The following FAM43A variants were observed in gnomAD, a reference collection of about 807,000 sequenced individuals.
The protein encoded by FAM43A is protein FAM43A.
A neutral mutation model predicts 15.7 loss-of-function variants in FAM43A; 11 were observed. The ratio of observed to expected loss-of-function variants is 0.70; its 90% CI spans 0.44 to 1.16. FAM43A has a LOEUF of 1.16. Among genes scored for constraint, FAM43A ranks in the 50% most tolerant of loss-of-function variants. FAM43A has a pLI of 0.00. For missense variants in FAM43A, 573 were observed against 620.0 expected, an observed-to-expected ratio of 0.92 and a Z score of 0.80; for synonymous variants, 319 against 291.7, an observed-to-expected ratio of 1.09 and a Z score of -0.96.
Position 194,687,161 on chromosome 3 carries a change from C to T in FAM43A, c.335C>T (p.Thr112Met). Reference protein sequence around the residue: ...AGRQGTKMKLTVSAQGIRMVH... With the variant: ...AGRQGTKMKLMVSAQGIRMVH... ...CGTCAGGGCACCAAGATGAAGCTGA[C>T]GGTGAGTGCGCAGGGTATCCGCATG... The change falls in exon 1 of 1, where the codon ACG (threonine) becomes ATG (methionine). Residue 112 changes from threonine (T) to methionine (M), a missense_variant. By Grantham distance (81) the Thr-to-Met change is moderately conservative (BLOSUM62 -1). Coordinates refer to ENST00000329759, the MANE Select transcript of FAM43A (RefSeq NM_153690.5). 1.9e-6 allele frequency: 3 copies of T among 1,612,006 alleles called. No homozygotes were observed. The highest frequency in any genetic ancestry group is 2.5e-6 in the Non-Finnish European group (3 of 1,179,894).
In FAM43A at chr3:194,687,353, C is replaced by G. The variant is rs1246929793; in HGVS notation, c.527C>G (p.Ser176Cys). The G allele has an allele frequency of 2.6e-6, 4 of 1,541,242 alleles. No individual in the cohort carries two copies. Among genetic ancestry groups the G allele is most frequent in the Non-Finnish European group, 3.5e-6 (4 of 1,148,576 alleles). The change falls in exon 1 of 1, where the codon TCC becomes TGC. Residue 176 changes from serine to cysteine, a missense_variant. Transcript: ENST00000329759. ...CTGCGCTGCCACGCCGTGCTGGTGT[C>G]CAAGCCCGAAAAGGCGCAGGCCATG... is the stretch of plus-strand genomic sequence containing the variant. ...VMLRCHAVLV[S>C]KPEKAQAMAL...
rs1436492511 is a variant in FAM43A at position 194,688,860 on chromosome 3, CTG to C, written c.*766_*767del. ...ATTTTTGACTTTTTTCTGTACATAA[CTG>C]TGTTCTCAGAGCTGAATGTTTATAT... On this transcript the variant is annotated 3_prime_UTR_variant, in exon 1 of 1. Coordinates refer to ENST00000329759, the MANE Select transcript of FAM43A (RefSeq NM_153690.5). The C allele has an allele frequency of 1.2e-5, 2 of 166,938 alleles. No homozygotes were observed. The highest frequency in any genetic ancestry group is 4.8e-5 in the African/African-American group (2 of 41,420). 10.3% of individuals were successfully genotyped at this position (166,938 alleles called of 1,614,324 possible). A position where few individuals can be genotyped will look rare whatever the true frequency, so the allele number is the denominator to read the frequency against.
At position 194,687,350 on chromosome 3, in the gene FAM43A, T is replaced by G; in HGVS notation, c.524T>G (p.Val175Gly). 6.5e-7 allele frequency: 1 copy of G among 1,541,780 alleles called. No individual in the cohort carries two copies. Reference sequence around the variant, plus strand: ...ATGCTGCGCTGCCACGCCGTGCTGGTGTCCAAGCCCGAAAAGGCGCAGGCC... The same window carrying G: ...ATGCTGCGCTGCCACGCCGTGCTGGGGTCCAAGCCCGAAAAGGCGCAGGCC... ...AVMLRCHAVL[V>G]SKPEKAQAMA... Residue 175 changes from valine to glycine, a missense_variant, in exon 1 of 1, where the codon GTG (valine) becomes GGG (glycine). By Grantham distance (109) the Val-to-Gly change is moderately radical. Coordinates refer to ENST00000329759, the MANE Select transcript of FAM43A (RefSeq NM_153690.5).
In FAM43A at chr3:194,688,045, G is replaced by T. The variant is rs761305993; in HGVS notation, c.1219G>T (p.Asp407Tyr). 4 of 1,414,992 alleles carry T rather than the reference G, an allele frequency of 2.8e-6. No individual in the cohort carries two copies. Among genetic ancestry groups the T allele is most frequent in the Non-Finnish European group, 3.7e-6 (4 of 1,084,428 alleles). The allele number at this position is 1,414,992 out of a possible 1,614,324, so 87.7% of individuals were successfully genotyped here. The change falls in exon 1 of 1, where the codon GAC becomes TAC. Residue 407 changes from aspartate (D) to tyrosine (Y), a missense_variant. Physicochemically the swap from Asp to Tyr is radical, Grantham distance 160. Coordinates refer to ENST00000329759, the MANE Select transcript of FAM43A (RefSeq NM_153690.5). ...TGACGCCACCTCCGCCACCGCCGGG[G>T]ACTCGTCCCGCCAGGCCGACGGCGC... is the stretch of plus-strand genomic sequence containing the variant. ...GPDATSATAG[D>Y]SSRQADGASA...
Position 194,688,440 on chromosome 3 carries a change from TTG to T in FAM43A, c.*345_*346del. The T allele has an allele frequency of 4.2e-6, 1 of 235,902 alleles. No homozygotes were observed. The highest frequency in any genetic ancestry group is 8.4e-5 in the East Asian group (1 of 11,842). The allele number at this position is 235,902 out of a possible 1,614,324, so 14.6% of individuals were successfully genotyped here. A position where few individuals can be genotyped will look rare whatever the true frequency, so the allele number is the denominator to read the frequency against. ...CGTAGGTGCCTGGCCAGTTTCCTGTTTGTGGGGCAGCTGGGGCCTGAGGAGGA... is the reference window on the plus strand; with the variant it reads ...CGTAGGTGCCTGGCCAGTTTCCTGTTTGGGGCAGCTGGGGCCTGAGGAGGA... On this transcript the variant is annotated 3_prime_UTR_variant, in exon 1 of 1. Transcript: ENST00000329759.
chr3:194,686,659 A>C lies in FAM43A; in HGVS notation c.-168A>C, dbSNP rs918801074. The C allele has an allele frequency of 1.9e-6, 1 of 538,408 alleles. No individual in the cohort carries two copies. Among genetic ancestry groups the C allele is most frequent in the Non-Finnish European group, 2.8e-6 (1 of 351,996 alleles). The allele number at this position is 538,408 out of a possible 1,614,324, so 33.4% of individuals were successfully genotyped here. On this transcript the variant is annotated 5_prime_UTR_variant, in exon 1 of 1. Transcript: ENST00000329759. ...CGCACCTCCTGCGGGGTTCCTAAGC[A>C]CTCTCTCTGCTCCCCTCCCCCCAAC...
chr3:194,686,455 T>C lies in FAM43A; in HGVS notation c.-372T>C, dbSNP rs1320962907. 2.2e-5 allele frequency: 4 copies of C among 184,772 alleles called. 1 individual carries two copies. Among genetic ancestry groups the C allele is most frequent in the Non-Finnish European group, 4.4e-5 (4 of 90,364 alleles). 11.4% of individuals were successfully genotyped at this position (184,772 alleles called of 1,614,324 possible). A position where few individuals can be genotyped will look rare whatever the true frequency, so the allele number is the denominator to read the frequency against. ...TATTTGCACGCGCGCTTCTAGCTTT[T>C]TTCCTGACATTTTCCACTCTACGCT... On this transcript the variant is annotated 5_prime_UTR_variant, in exon 1 of 1. Transcript: ENST00000329759.
Position 194,686,164 on chromosome 3 carries a change from G to C in FAM43A, c.-663G>C, listed in dbSNP as rs1466756785. Among the ~76,000 whole-genome samples the C allele has an allele frequency of 2.6e-5, 4 of 152,196 alleles. No individual in the cohort carries two copies. Among genetic ancestry groups the C allele is most frequent in the African/African-American group, 7.2e-5 (3 of 41,452 alleles). ...GTGAGTCCCCGCGGGACTGCTGCGCGGGGCCCGCCGCGGCCAGCCGGACCC... is the reference window on the plus strand; with the variant it reads ...GTGAGTCCCCGCGGGACTGCTGCGCCGGGCCCGCCGCGGCCAGCCGGACCC... On this transcript the variant is annotated 5_prime_UTR_variant, in exon 1 of 1. Transcript: ENST00000329759.
Position 194,688,036 on chromosome 3 carries a change from A to C in FAM43A, c.1210A>C (p.Thr404Pro). 1.4e-6 allele frequency: 2 copies of C among 1,413,092 alleles called. No homozygotes were observed. The highest frequency in any genetic ancestry group is 1.8e-6 in the Non-Finnish European group (2 of 1,083,130). The allele number at this position is 1,413,092 out of a possible 1,614,324, so 87.5% of individuals were successfully genotyped here. Residue 404 changes from threonine to proline, a missense_variant, in exon 1 of 1, where the codon ACC (threonine) becomes CCC (proline). Thr to Pro is a conservative substitution (Grantham distance 38). Coordinates refer to ENST00000329759, the MANE Select transcript of FAM43A (RefSeq NM_153690.5). ...CGGGGGCCCTGACGCCACCTCCGCCACCGCCGGGGACTCGTCCCGCCAGGC... is the reference window on the plus strand; with the variant it reads ...CGGGGGCCCTGACGCCACCTCCGCCCCCGCCGGGGACTCGTCCCGCCAGGC... ...EGGGPDATSA[T>P]AGDSSRQADG...
Position 194,687,931 on chromosome 3 carries a change from G to C in FAM43A, c.1105G>C (p.Val369Leu), listed in dbSNP as rs780119490. The C allele has an allele frequency of 5.7e-5, 83 of 1,460,042 alleles. 1 individual carries two copies. In the South Asian group the frequency reaches 1.2e-3, roughly 21 times the overall value. The allele number at this position is 1,460,042 out of a possible 1,614,324, so 90.4% of individuals were successfully genotyped here. A position where few individuals can be genotyped will look rare whatever the true frequency, so the allele number is the denominator to read the frequency against. Residue 369 changes from valine (V) to leucine (L), a missense_variant, in exon 1 of 1, where the codon GTG (valine) becomes CTG (leucine). Physicochemically the swap from Val to Leu is conservative, Grantham distance 32. Transcript: ENST00000329759. ...DLGELSFGND[V>L]RTLQADLRVT... is the part of the protein sequence containing the mutation. The stretch of plus-strand genomic sequence containing the variant: ...GGGCGAGCTCAGCTTCGGCAACGAC[G>C]TGCGCACCCTGCAGGCCGACTTGCG...
In FAM43A at chr3:194,687,401, C is replaced by T. The variant is rs1025200912; in HGVS notation, c.575C>T (p.Ser192Leu). ...ATGGCCCTGCTGCTCTACCAGACGT[C>T]GGCCAACGCGCTGGCGGAATTTAAA... ...QAMALLLYQT[S>L]ANALAEFKRL... The change falls in exon 1 of 1, where the codon TCG (serine) becomes TTG (leucine). Residue 192 changes from serine (S) to leucine (L), a missense_variant. Ser to Leu is a moderately radical substitution (Grantham distance 145). Coordinates refer to ENST00000329759, the MANE Select transcript of FAM43A (RefSeq NM_153690.5). 5 of 1,533,992 alleles carry T rather than the reference C, an allele frequency of 3.3e-6. No homozygotes were observed. Among genetic ancestry groups the T allele is most frequent in the Non-Finnish European group, 4.4e-6 (5 of 1,139,772 alleles).
Position 194,686,962 on chromosome 3 carries a change from G to A in FAM43A, c.136G>A (p.Ala46Thr), listed in dbSNP as rs140600293. The A allele has an allele frequency of 1.2e-6, 2 of 1,610,506 alleles. No individual in the cohort carries two copies. The highest frequency in any genetic ancestry group is 1.3e-5 in the African/African-American group (1 of 74,890). Reference sequence around the variant, plus strand: ...GCTGGCGCGGGCGTGCCCCGAAGGCGCGCTTAGCCGGGTGGGCAGCATGTT... The same window carrying A: ...GCTGGCGCGGGCGTGCCCCGAAGGCACGCTTAGCCGGGTGGGCAGCATGTT... ...SSLARACPEG[A>T]LSRVGSMFRS... Residue 46 changes from alanine to threonine, a missense_variant, in exon 1 of 1, where the codon GCG becomes ACG. Physicochemically the swap from Ala to Thr is moderately conservative, Grantham distance 58 (BLOSUM62 0). Transcript: ENST00000329759.
chr3:194,686,820 T>G lies in FAM43A; in HGVS notation c.-7T>G, dbSNP rs1719427571. On this transcript the variant is annotated 5_prime_UTR_variant, in exon 1 of 1. Coordinates refer to ENST00000329759, the MANE Select transcript of FAM43A (RefSeq NM_153690.5). ...GCCGCCCAGCTGCGCCGGGGCGCCC[T>G]CCGGAGATGCTGCCGTGGAAGAAGC... The G allele has an allele frequency of 1.3e-6, 2 of 1,540,548 alleles. No individual in the cohort carries two copies. The highest frequency in any genetic ancestry group is 1.7e-6 in the Non-Finnish European group (2 of 1,155,390).
chr3:194,686,534 T>C lies in FAM43A; in HGVS notation c.-293T>C. ...TGCCTGAGACTCTTTGCTCTCGCCC[T>C]TGCCCAGGCTGGGGTAATTCTGTGT... On this transcript the variant is annotated 5_prime_UTR_variant, in exon 1 of 1. Coordinates refer to ENST00000329759, the MANE Select transcript of FAM43A (RefSeq NM_153690.5). The C allele has an allele frequency of 3.3e-6, 1 of 300,334 alleles. No individual in the cohort carries two copies. Among genetic ancestry groups the C allele is most frequent in the Non-Finnish European group, 6.1e-6 (1 of 164,084 alleles). The allele number at this position is 300,334 out of a possible 1,614,324, so 18.6% of individuals were successfully genotyped here.
rs1577268557 is a variant in FAM43A at position 194,688,349 on chromosome 3, G to C, written c.*251G>C. 2 of 396,140 alleles carry C rather than the reference G, an allele frequency of 5.0e-6. No homozygotes were observed. The highest frequency in any genetic ancestry group is 1.4e-4 in the South Asian group (1 of 7,174). The allele number at this position is 396,140 out of a possible 1,614,324, so 24.5% of individuals were successfully genotyped here. On this transcript the variant is annotated 3_prime_UTR_variant, in exon 1 of 1. Coordinates refer to ENST00000329759, the MANE Select transcript of FAM43A (RefSeq NM_153690.5). The stretch of plus-strand genomic sequence containing the variant: ...TTGAGAGGGGAAAACCCCGCCAGGA[G>C]GGAGAGAGAGGCACCCCTCTGGGAT...
At position 194,686,787 on chromosome 3, in the gene FAM43A, C is replaced by CCGA; in HGVS notation, c.-38_-37insACG. ...AGCGGGCCTCGCACCCGGCGCTCCG[C>CCGA]CGCCGCCGCCGCCCAGCTGCGCCGG... On this transcript the variant is annotated 5_prime_UTR_variant, in exon 1 of 1. Transcript: ENST00000329759. 1 of 1,393,648 alleles carries CCGA rather than the reference C, an allele frequency of 7.2e-7. No individual in the cohort carries two copies. Among genetic ancestry groups the CCGA allele is most frequent in the Non-Finnish European group, 9.2e-7 (1 of 1,086,640 alleles). The allele number at this position is 1,393,648 out of a possible 1,614,324, so 86.3% of individuals were successfully genotyped here. A position where few individuals can be genotyped will look rare whatever the true frequency, so the allele number is the denominator to read the frequency against.
In FAM43A at chr3:194,686,660, C is replaced by G. The variant is rs75140403; in HGVS notation, c.-167C>G. 9.9e-3 allele frequency: 5,470 copies of G among 550,884 alleles called. 60 individuals are homozygous for G. The highest frequency in any genetic ancestry group is 0.013 in the Admixed American group (293 of 22,158). 34.1% of individuals were successfully genotyped at this position (550,884 alleles called of 1,614,324 possible). On this transcript the variant is annotated 5_prime_UTR_variant, in exon 1 of 1. Coordinates refer to ENST00000329759, the MANE Select transcript of FAM43A (RefSeq NM_153690.5). ...GCACCTCCTGCGGGGTTCCTAAGCA[C>G]TCTCTCTGCTCCCCTCCCCCCAACT...
rs959942467 is a variant in FAM43A at position 194,688,080 on chromosome 3, C to T, written c.1254C>T (p.Asp418=). The T allele has an allele frequency of 1.4e-6, 2 of 1,385,046 alleles. No individual in the cohort carries two copies. Among genetic ancestry groups the T allele is most frequent in the East Asian group, 2.9e-5 (1 of 34,914 alleles). 85.8% of individuals were successfully genotyped at this position (1,385,046 alleles called of 1,614,324 possible). A position where few individuals can be genotyped will look rare whatever the true frequency, so the allele number is the denominator to read the frequency against. The change falls in exon 1 of 1, where the codon GAC becomes GAT. Residue 418 remains aspartate (D), a synonymous_variant. Coordinates refer to ENST00000329759, the MANE Select transcript of FAM43A (RefSeq NM_153690.5). Reference sequence around the variant, plus strand: ...GCCAGGCCGACGGCGCCAGTGCAGACGAGCCCCACTCGGGCTGAGCTCCTC... The same window carrying T: ...GCCAGGCCGACGGCGCCAGTGCAGATGAGCCCCACTCGGGCTGAGCTCCTC... ...SSRQADGASA[D]EPHSG
In FAM43A at chr3:194,688,672, T is replaced by C. The variant is rs1560237547; in HGVS notation, c.*574T>C. ...TTGCCAAATTCTTCAAATAACTGTT[T>C]GGGGGGTGGGGGGAGATGAAAGAGA... On this transcript the variant is annotated 3_prime_UTR_variant, in exon 1 of 1. Transcript: ENST00000329759. The C allele has an allele frequency of 6.1e-6, 1 of 164,830 alleles. No individual in the cohort carries two copies. The highest frequency in any genetic ancestry group is 1.5e-5 in the Non-Finnish European group (1 of 67,602). 10.2% of individuals were successfully genotyped at this position (164,830 alleles called of 1,614,324 possible).
Sources: allele counts gnomAD v4.1 joint callset (sites outside exome capture counted in the v4.1 genomes callset), GRCh38; gene constraint gnomAD v4.1.1; transcripts MANE v1.5; gene names NCBI Gene and HGNC (gene_info 2026-07-23, HGNC 2026-07-21).